The following N4BP1 variants were observed in gnomAD, a reference collection of about 807,000 sequenced individuals.
The protein encoded by N4BP1 is NEDD4 binding protein 1.
A neutral mutation model predicts 70.9 loss-of-function variants in N4BP1; 21 were observed. The observed-to-expected ratio is 0.30, with a 90% CI of 0.21 to 0.43. N4BP1 has a LOEUF of 0.43. N4BP1 is among the 20% of genes least tolerant of loss of function. The pLI is 1.00. For synonymous variants in N4BP1, 387 were observed against 394.6 expected (o/e 0.98, Z 0.23); for missense variants, 936 against 1,069.4 (o/e 0.88, Z 1.74).
intron 1 of N4BP1, among the ~76,000 whole-genome samples, chr16:48,563,022 T>C (rs1273331858): frequency 6.6e-6 from 1 of 152,184 alleles, no homozygotes; most frequent in African/African-American, 2.4e-5. Context: ...ATATCCTGTA[T>C]GATTTTCTGT....
chr16:48,563,769 G>A lies in N4BP1; in HGVS notation c.199-1325C>T, dbSNP rs565608312. Among the ~76,000 whole-genome samples the A allele has an allele frequency of 1.2e-3, 186 of 151,498 alleles. 1 individual carries two copies. The highest frequency in any genetic ancestry group is 2.2e-3 in the Non-Finnish European group (151 of 67,366). On this transcript the variant is annotated intron_variant, in intron 1 of 6. Coordinates refer to ENST00000262384, the MANE Select transcript of N4BP1 (RefSeq NM_153029.4). The stretch of plus-strand genomic sequence containing the variant: ...TCTAATAGAACAAGTGAATGCTGGC[G>A]TGAGCCACTGTGCCTGGCTGATTGT...
At chr16:48,581,264 C>T (rs1450770579) in intron 1 of N4BP1, among the ~76,000 whole-genome samples, 1 of 151,528 alleles carries the variant, frequency 6.6e-6, no homozygotes, top group Non-Finnish European at 1.5e-5. Flanking sequence ...AAAAAAAATC[C>T]CAACACTTCA....
chr16:48,554,042 C>T (rs972417428), intron 2 of N4BP1, among the ~76,000 whole-genome samples: 3 of 152,172 alleles, frequency 2.0e-5, no homozygotes, highest in African/African-American at 7.2e-5. Context: ...GAGGGCTCCA[C>T]TCTTTTTAGG....
intron 5 of N4BP1, among the ~76,000 whole-genome samples, chr16:48,547,069 C>G (rs1250855831): frequency 1.3e-5 from 2 of 152,236 alleles, no homozygotes; most frequent in Admixed American, 6.5e-5. Flanking sequence ...CAGTAATTAA[C>G]TCTCACCTGG....
intron 1 of N4BP1, among the ~76,000 whole-genome samples, chr16:48,569,671 T>G (rs1963988633): frequency 6.6e-6 from 1 of 152,128 alleles, no homozygotes; most frequent in Non-Finnish European, 1.5e-5. Context: ...GCTGGGATTA[T>G]AGGCATGAGC....
chr16:48,558,707 C>A (rs1022923557), intron 2 of N4BP1, among the ~76,000 whole-genome samples: 11 of 152,172 alleles, frequency 7.2e-5, no homozygotes, highest in African/African-American at 2.7e-4. Context: ...CGAGTTGGCT[C>A]AAGAAATCGT....
Position 48,561,722 on chromosome 16 carries a change from C to T in N4BP1, c.921G>A (p.Gly307=), listed in dbSNP as rs1761942905. The change falls in exon 2 of 7, where the codon GGG becomes GGA. Residue 307 remains glycine (G), a synonymous_variant. Coordinates refer to ENST00000262384, the MANE Select transcript of N4BP1 (RefSeq NM_153029.4). ...KQFSLENVQE[G]EILHDAKTLA... The stretch of plus-strand genomic sequence containing the variant: ...ATGTCTTAGCATCGTGTAAAATCTC[C>T]CCCTCCTGAACATTTTCCAAAGAAA... The T allele has an allele frequency of 6.2e-7, 1 of 1,612,070 alleles. No individual in the cohort carries two copies. Among genetic ancestry groups the T allele is most frequent in the Admixed American group, 1.7e-5 (1 of 59,998 alleles).
chr16:48,607,375 T>C (rs1964599508), intron 1 of N4BP1, among the ~76,000 whole-genome samples: 1 of 152,166 alleles, frequency 6.6e-6, no homozygotes, highest in Non-Finnish European at 1.5e-5. Flanking sequence ...CAGTGGAGAT[T>C]TAAGCTGAAA....
intron 1 of N4BP1, among the ~76,000 whole-genome samples, chr16:48,566,838 T>C (rs1373697722): frequency 2.0e-5 from 3 of 152,240 alleles, no homozygotes; most frequent in East Asian, 3.8e-4. Context: ...ATTTATCAAG[T>C]TCTCCTTTCA....
chr16:48,586,476 C>T (rs544937571), intron 1 of N4BP1, among the ~76,000 whole-genome samples: 3 of 151,506 alleles, frequency 2.0e-5, no homozygotes, highest in Non-Finnish European at 4.4e-5. Flanking sequence ...TTTTTTTCAC[C>T]GTAACTACAC....
Position 48,585,483 on chromosome 16 carries a change from AAAT to A in N4BP1, c.199-23042_199-23040del, listed in dbSNP as rs1964232434. Among the ~76,000 whole-genome samples, 5 of 152,040 alleles carry A rather than the reference AAAT, an allele frequency of 3.3e-5. No homozygotes were observed. In the South Asian group the frequency reaches 1.0e-3, roughly 32 times the overall value. On this transcript the variant is annotated intron_variant, in intron 1 of 6. Transcript: ENST00000262384. Reference sequence around the variant, plus strand: ...GAGACCCTGTCTCTATTTAAAAAAAAAATAAATGATTATATAAAATTATATGTT... The same window carrying A: ...GAGACCCTGTCTCTATTTAAAAAAAAAAATGATTATATAAAATTATATGTT...
At position 48,560,946 on chromosome 16, in the gene N4BP1, G is replaced by A. The variant is rs1219926018; in HGVS notation, c.1697C>T (p.Pro566Leu). ...AACCGAAGGTAACAGCTGGGGCAGT[G>A]GCATTGGTGGAGAAAGGGTTGAGCA... Reference protein sequence around the residue: ...PNCSTLSPPMPLPQLLPSVTD... With the variant: ...PNCSTLSPPMLLPQLLPSVTD... Residue 566 changes from proline to leucine, a missense_variant, in exon 2 of 7, where the codon CCA (proline) becomes CTA (leucine). By Grantham distance (98) the Pro-to-Leu change is moderately conservative (BLOSUM62 -3). This residue lies in a region of N4BP1 where 515 missense variants were observed against 491.7 expected (regional missense o/e 1.05). Transcript: ENST00000262384. The A allele has an allele frequency of 2.7e-5, 43 of 1,613,882 alleles. No homozygotes were observed. Among genetic ancestry groups the A allele is most frequent in the Non-Finnish European group, 3.6e-5 (42 of 1,179,888 alleles).
At chr16:48,545,533 G>A (rs867526810) in intron 6 of N4BP1, among the ~76,000 whole-genome samples, 10 of 150,458 alleles carry the variant, frequency 6.6e-5, no homozygotes, top group African/African-American at 2.2e-4. Flanking sequence ...AGCCAAGATC[G>A]CGCCATTGTA....
chr16:48,561,165 G>A lies in N4BP1; in HGVS notation c.1478C>T (p.Ser493Leu), dbSNP rs1963849773. ...GGGACTTGGAGAGGCAACAGAAGGTGAAAGGCCATCAGTTTCAGGGTCTGT... is the reference window on the plus strand; with the variant it reads ...GGGACTTGGAGAGGCAACAGAAGGTAAAAGGCCATCAGTTTCAGGGTCTGT... ...CNTDPETDGL[S>L]PSVASPSPKE... Residue 493 changes from serine (S) to leucine (L), a missense_variant, in exon 2 of 7, where the codon TCA (serine) becomes TTA (leucine). Around this residue, in one of 4 missense-constraint regions of N4BP1, gnomAD observed 515 missense variants for 491.7 expected, o/e 1.05. Coordinates refer to ENST00000262384, the MANE Select transcript of N4BP1 (RefSeq NM_153029.4). The A allele has an allele frequency of 1.2e-6, 2 of 1,614,004 alleles. No individual in the cohort carries two copies. The highest frequency in any genetic ancestry group is 1.7e-6 in the Non-Finnish European group (2 of 1,179,868).
At chr16:48,559,820 G>A (rs753513923) in intron 2 of N4BP1, 2 of 152,176 alleles carry the variant, frequency 1.3e-5, no homozygotes, top group Non-Finnish European at 2.9e-5. Context: ...TGCCAGATTC[G>A]TAAATCATTG....
At chr16:48,587,478 A>G (rs1416208297) in intron 1 of N4BP1, 2 of 152,216 alleles carry the variant, frequency 1.3e-5, no homozygotes, top group Admixed American at 6.5e-5. Flanking sequence ...CTTTTCATTA[A>G]TTTTTAACCT....
intron 1 of N4BP1, among the ~76,000 whole-genome samples, chr16:48,602,796 AAAATAAATAAATAAATAAAT>A (rs142256457): frequency 5.5e-5 from 8 of 146,778 alleles, no homozygotes; most frequent in Middle Eastern, 3.4e-3. Flanking sequence ...ATAAAAAATA[AAAATAAATAAATAAATAAAT>A]AAATAAATAA....
chr16:48,610,073 T>A lies in N4BP1; in HGVS notation c.-101A>T. 3 of 652,440 alleles carry A rather than the reference T, an allele frequency of 4.6e-6. No homozygotes were observed. Among genetic ancestry groups the A allele is most frequent in the Non-Finnish European group, 3.8e-6 (2 of 521,540 alleles). The allele number at this position is 652,440 out of a possible 1,614,324, so 40.4% of individuals were successfully genotyped here. ...AAGCCAGTCAGGCGGCGTCGGCCCT[T>A]CCCGGCCGCCTCGCCCCCGCCCGCG... On this transcript the variant is annotated 5_prime_UTR_variant, in exon 1 of 7. Coordinates refer to ENST00000262384, the MANE Select transcript of N4BP1 (RefSeq NM_153029.4).
chr16:48,602,083 G>A (rs1964510207), intron 1 of N4BP1, among the ~76,000 whole-genome samples: 1 of 152,110 alleles, frequency 6.6e-6, no homozygotes, highest in African/African-American at 2.4e-5. Flanking sequence ...AATTAGCTGG[G>A]CATGGTGGCG....
Sources: gnomAD v4.1 joint callset for allele counts (sites outside exome capture counted in the v4.1 genomes callset) on GRCh38, gnomAD v4.1.1 for gene constraint, gnomAD v4.1.1 regional missense constraint, MANE v1.5 for transcripts, NCBI Gene and HGNC (gene_info 2026-07-23, HGNC 2026-07-21) for gene names.